The following CRMP1 variants were observed in gnomAD, a reference collection of about 807,000 sequenced individuals.
CRMP1 encodes dihydropyrimidinase-related protein 1.
A neutral mutation model predicts 68.3 loss-of-function variants in CRMP1; 19 were observed. The observed-to-expected ratio is 0.28, with a 90% confidence interval of 0.19 to 0.41. CRMP1 has a LOEUF of 0.41. Among genes scored for constraint, CRMP1 ranks in the 10% least tolerant of loss-of-function variants. The probability of loss-of-function intolerance (pLI) is 1.00; values close to 1 mark genes in which losing one functional copy is unlikely to be tolerated. For synonymous variants in CRMP1, 439 were observed against 399.6 expected (o/e 1.10, Z -1.18); for missense variants, 791 against 967.4 (o/e 0.82, Z 2.42).
At chr4:5,837,441 G>A (rs1300984318) in intron 9 of CRMP1, among the ~76,000 whole-genome samples, 1 of 145,164 alleles carries the variant, frequency 6.9e-6, no homozygotes, top group Non-Finnish European at 1.5e-5. Context: ...TGACCAACAT[G>A]GCAAAACCTT....
rs972452667 is a variant in CRMP1, at chr4:5,853,005, G to A, written c.821-1536C>T. On this transcript the variant is annotated intron_variant, in intron 4 of 13. Coordinates refer to ENST00000324989, the MANE Select transcript of CRMP1 (RefSeq NM_001014809.3). The surrounding 1 kb of genome is among the most constrained non-coding windows in gnomAD (Gnocchi z 4.7). ...AGGGGGCTGGGGCTCTGGGCCCCAG[G>A]AACTGGAACAAGCCAGTCTGGAGGA... Among the ~76,000 whole-genome samples the A allele has an allele frequency of 2.0e-5, 3 of 152,138 alleles. No homozygotes were observed. Among genetic ancestry groups the A allele is most frequent in the Non-Finnish European group, 4.4e-5 (3 of 67,978 alleles).
chr4:5,852,806 GGGGGGTTGCATCTGTCA>G (rs1394709197), intron 4 of CRMP1, among the ~76,000 whole-genome samples: 6 of 152,140 alleles, frequency 3.9e-5, no homozygotes, highest in Admixed American at 3.3e-4. Flanking sequence ...GGGATGCATG[GGGGGGTTGCATCTGTCA>G]GGGGGCTTCA....
Position 5,843,308 on chromosome 4 carries a change from G to A in CRMP1, c.964-147C>T. 4.2e-6 allele frequency: 3 copies of A among 714,476 alleles called. No individual in the cohort carries two copies. The highest frequency in any genetic ancestry group is 7.3e-6 in the Non-Finnish European group (3 of 409,326). 44.3% of individuals were successfully genotyped at this position (714,476 alleles called of 1,614,324 possible). On this transcript the variant is annotated intron_variant, in intron 6 of 13. Coordinates refer to ENST00000324989, the MANE Select transcript of CRMP1 (RefSeq NM_001014809.3). This position sits in a 1 kb window ranked among gnomAD's most constrained non-coding sequence, Gnocchi z 4.1. ...CTAGGTTAACAGTGTGCGGGGTGGG[G>A]GCAGTGAACTGTGTCCCCTCCACTA... is the stretch of plus-strand genomic sequence containing the variant.
At chr4:5,827,998 A>G (rs1202493914) in intron 12 of CRMP1, 3 of 976,064 alleles carry the variant, frequency 3.1e-6, no homozygotes, top group African/African-American at 1.8e-5. Context: ...AGAAACGTCA[A>G]GGGAGGAAGG....
intron 11 of CRMP1, among the ~76,000 whole-genome samples, chr4:5,831,753 CA>C (rs1720395520): frequency 6.6e-6 from 1 of 152,172 alleles, no homozygotes; most frequent in Non-Finnish European, 1.5e-5. Context: ...CTGCATTTCA[CA>C]AGAACACTGA....
chr4:5,844,421 A>G (rs1309483968), intron 6 of CRMP1, among the ~76,000 whole-genome samples: 1 of 152,026 alleles, frequency 6.6e-6, no homozygotes, highest in African/African-American at 2.4e-5. Context: ...AGGGAGGGAG[A>G]AGAGGCGAGG....
chr4:5,888,516 G>A lies in CRMP1; in HGVS notation c.381+4073C>T, dbSNP rs1474828739. ...CGGGAGAAGGAGGAGGGAGAGGCGAGGGCGGGAGGAGGGGGCTGCAGACAG... is the reference window on the plus strand; with the variant it reads ...CGGGAGAAGGAGGAGGGAGAGGCGAAGGCGGGAGGAGGGGGCTGCAGACAG... On this transcript the variant is annotated intron_variant, in intron 1 of 13. Coordinates refer to ENST00000324989, the MANE Select transcript of CRMP1 (RefSeq NM_001014809.3). This position sits in a 1 kb window ranked among gnomAD's most constrained non-coding sequence, Gnocchi z 6.4. 5.9e-6 allele frequency: 7 copies of A among 1,187,720 alleles called. No individual in the cohort carries two copies. The East Asian group carries it at 2.1e-4, about 36-fold the overall frequency. 73.6% of individuals were successfully genotyped at this position (1,187,720 alleles called of 1,614,324 possible). A position where few individuals can be genotyped will look rare whatever the true frequency, so the allele number is the denominator to read the frequency against.
chr4:5,822,364 C>G (rs1435860168), intron 13 of CRMP1, among the ~76,000 whole-genome samples: 4 of 152,084 alleles, frequency 2.6e-5, no homozygotes, highest in Non-Finnish European at 1.5e-5. Flanking sequence ...GCACACTGTC[C>G]CACACTCCAA....
intron 2 of CRMP1, among the ~76,000 whole-genome samples, chr4:5,864,291 G>C (rs1354907019): frequency 6.6e-6 from 1 of 152,250 alleles, no homozygotes; most frequent in Non-Finnish European, 1.5e-5. Flanking sequence ...ATCATTCTCA[G>C]GGTCATTTTA....
Position 5,888,276 on chromosome 4 carries a change from T to C in CRMP1, c.381+4313A>G. ...TGCCCTGGTACGACATGGCCCCCTC[T>C]GGCGCCCTCGGCCCGGCCGCTGACC... is the stretch of plus-strand genomic sequence containing the variant. On this transcript the variant is annotated intron_variant, in intron 1 of 13. Coordinates refer to ENST00000324989, the MANE Select transcript of CRMP1 (RefSeq NM_001014809.3). This position sits in a 1 kb window ranked among gnomAD's most constrained non-coding sequence, Gnocchi z 6.4. 1 of 1,274,004 alleles carries C rather than the reference T, an allele frequency of 7.8e-7. No homozygotes were observed. Among genetic ancestry groups the C allele is most frequent in the Non-Finnish European group, 1.0e-6 (1 of 1,003,184 alleles). 78.9% of individuals were successfully genotyped at this position (1,274,004 alleles called of 1,614,324 possible). A position where few individuals can be genotyped will look rare whatever the true frequency, so the allele number is the denominator to read the frequency against.
At position 5,881,471 on chromosome 4, in the gene CRMP1, C is replaced by G. The variant is rs1323642325; in HGVS notation, c.381+11118G>C. Reference sequence around the variant, plus strand: ...AAGTCTGCAACCATCACCATGCCCTCCCACTGCAGTGTGACTGTAGCTGTC... The same window carrying G: ...AAGTCTGCAACCATCACCATGCCCTGCCACTGCAGTGTGACTGTAGCTGTC... On this transcript the variant is annotated intron_variant, in intron 1 of 13. Transcript: ENST00000324989. This position sits in a 1 kb window ranked among gnomAD's most constrained non-coding sequence, Gnocchi z 4.6. 6.6e-6 allele frequency among the ~76,000 whole-genome samples: 1 copy of G among 152,172 alleles called. No individual in the cohort carries two copies.
chr4:5,881,613 C>G lies in CRMP1; in HGVS notation c.381+10976G>C, dbSNP rs1715226495. Among the ~76,000 whole-genome samples, 1 of 152,148 alleles carries G rather than the reference C, an allele frequency of 6.6e-6. No homozygotes were observed. The highest frequency in any genetic ancestry group is 2.4e-5 in the African/African-American group (1 of 41,444). Reference sequence around the variant, plus strand: ...CACGGCAAAGTCCTCCGGTGTTCCTCTTCCATGGCAAGAGCTGACTTTTAC... The same window carrying G: ...CACGGCAAAGTCCTCCGGTGTTCCTGTTCCATGGCAAGAGCTGACTTTTAC... On this transcript the variant is annotated intron_variant, in intron 1 of 13. Transcript: ENST00000324989. This position sits in a 1 kb window ranked among gnomAD's most constrained non-coding sequence, Gnocchi z 4.6.
At chr4:5,828,395 T>C (rs2152453737) in intron 12 of CRMP1, 94 bp downstream of exon 12, 2 of 1,499,780 alleles carry the variant, frequency 1.3e-6, no homozygotes, top group East Asian at 4.8e-5. Flanking sequence ...GGCGATGACA[T>C]TATTAACTCT....
rs1250848540 is a variant in CRMP1, at chr4:5,859,989, G to C, written c.655+1037C>G. Among the ~76,000 whole-genome samples the C allele has an allele frequency of 6.6e-6, 1 of 151,970 alleles. No individual in the cohort carries two copies. The highest frequency in any genetic ancestry group is 2.4e-5 in the African/African-American group (1 of 41,408). ...AAATTGCTTATTAAAATGAATCCAA[G>C]CAAAAGCGGCTCTTCAAAATCAACA... is the stretch of plus-strand genomic sequence containing the variant. On this transcript the variant is annotated intron_variant, in intron 3 of 13. Transcript: ENST00000324989. The surrounding 1 kb of genome is among the most constrained non-coding windows in gnomAD (Gnocchi z 5.2).
chr4:5,862,528 C>G (rs1374930182), intron 2 of CRMP1, among the ~76,000 whole-genome samples: 1 of 152,218 alleles, frequency 6.6e-6, no homozygotes, highest in Non-Finnish European at 1.5e-5. Context: ...TTAAAAGGAA[C>G]AGCAACTGGA....
intron 2 of CRMP1, among the ~76,000 whole-genome samples, chr4:5,862,149 A>G (rs1019588966): frequency 1.8e-4 from 27 of 152,154 alleles, no homozygotes; most frequent in Non-Finnish European, 1.6e-4. Flanking sequence ...GACAAGGTGG[A>G]CACCCAGAAA....
chr4:5,874,304 T>A (rs1455913017), intron 1 of CRMP1, among the ~76,000 whole-genome samples: 2 of 152,210 alleles, frequency 1.3e-5, no homozygotes, highest in Non-Finnish European at 2.9e-5. Context: ...AAGTGCTAGA[T>A]AATAAAATGT....
chr4:5,852,319 C>T (rs1025595881), intron 4 of CRMP1, among the ~76,000 whole-genome samples: 3 of 152,192 alleles, frequency 2.0e-5, no homozygotes, highest in African/African-American at 7.2e-5. Context: ...GAGGACATTA[C>T]ACCAAACGTG....
chr4:5,876,511 C>T (rs1482237925), intron 1 of CRMP1, among the ~76,000 whole-genome samples: 3 of 152,186 alleles, frequency 2.0e-5, no homozygotes, highest in African/African-American at 7.2e-5. Flanking sequence ...GAAACCCTTT[C>T]TTTCCAAAGA....
Sources: allele counts gnomAD v4.1 joint callset (sites outside exome capture counted in the v4.1 genomes callset), GRCh38; gene constraint gnomAD v4.1.1; non-coding constraint Gnocchi (gnomAD v3.1); transcripts MANE v1.5; gene names NCBI Gene and HGNC (gene_info 2026-07-23, HGNC 2026-07-21).